The following SEMA3D variants were observed in gnomAD, a reference collection of about 807,000 sequenced individuals.
The protein encoded by SEMA3D is semaphorin-3D.
SEMA3D carries 84 observed loss-of-function variants against 100.1 expected under a neutral mutation model. The observed-to-expected ratio is 0.84, with a 90% CI of 0.70 to 1.01. The LOEUF (loss-of-function observed/expected upper bound fraction) is 1.01, where lower values mean the gene tolerates loss of function less well. Among genes scored for constraint, SEMA3D ranks in the 50% least tolerant of loss-of-function variants. The pLI, the probability that SEMA3D is intolerant of heterozygous loss-of-function variation, is 0.00. For missense variants in SEMA3D, 875 were observed against 934.1 expected (o/e 0.94, Z 0.82); for synonymous variants, 312 against 320.7 (o/e 0.97, Z 0.29).
chr7:85,079,072 T>C (rs1787974556), intron 5 of SEMA3D, among the ~76,000 whole-genome samples: 1 of 152,302 alleles, frequency 6.6e-6, no homozygotes, highest in African/African-American at 2.4e-5. Context: ...TGGAGCAAGC[T>C]TTTTGGATTC....
intron 4 of SEMA3D, among the ~76,000 whole-genome samples, chr7:85,088,167 C>A (rs1788280249): frequency 6.6e-6 from 1 of 152,068 alleles, no homozygotes; most frequent in African/African-American, 2.4e-5. Flanking sequence ...TGTTGTTTCA[C>A]TTATCTTTTA....
At chr7:85,207,209 T>C in the SEMA3D span, among the ~76,000 whole-genome samples, 2 of 152,074 alleles carry the variant, frequency 1.3e-5, no homozygotes, top group Non-Finnish European at 2.9e-5. Flanking sequence ...GAATTACTGG[T>C]CATAAGTAGA....
intron 1 of SEMA3D, chr7:85,159,792 G>A: frequency 2.1e-6 from 2 of 970,678 alleles, no homozygotes; most frequent in East Asian, 1.1e-4. Flanking sequence ...CACTTTGACA[G>A]CAGGCTATCT....
the SEMA3D span, among the ~76,000 whole-genome samples, chr7:85,215,095 T>A: frequency 6.6e-6 from 1 of 151,462 alleles, no homozygotes; most frequent in East Asian, 1.9e-4. Context: ...TTCTACCAAG[T>A]GTTCTTCTTC....
intron 3 of SEMA3D, among the ~76,000 whole-genome samples, chr7:85,117,588 C>T (rs1053707221): frequency 2.6e-5 from 4 of 151,976 alleles, no homozygotes; most frequent in Non-Finnish European, 5.9e-5. Context: ...GCCTGGGCAA[C>T]ATGGTGAAAC....
rs1291433685 is a variant in SEMA3D at position 85,006,819 on chromosome 7, C to T, written c.1891G>A (p.Asp631Asn). The change falls in exon 18 of 19, where the codon GAT (aspartate) becomes AAT (asparagine). Residue 631 changes from aspartate to asparagine, a missense_variant. Physicochemically the swap from Asp to Asn is conservative, Grantham distance 23. Transcript: ENST00000284136. ...CAGCTTACCTCCTCTCGATGCTCAT[C>T]CCCTGACCTCTGGATATACCATTTA... ...TIKWYIQRSG[D>N]EHREELKPDE... 2 of 1,599,372 alleles carry T rather than the reference C, an allele frequency of 1.3e-6. No homozygotes were observed. The highest frequency in any genetic ancestry group is 1.7e-6 in the Non-Finnish European group (2 of 1,171,508).
intron 2 of SEMA3D, among the ~76,000 whole-genome samples, chr7:85,149,018 AAC>A (rs1790291435): frequency 1.3e-5 from 2 of 152,298 alleles, no homozygotes; most frequent in East Asian, 1.9e-4. Flanking sequence ...ATGAACAGGA[AAC>A]ACAAAATGAA....
chr7:85,025,167 C>T (rs1383419315), intron 12 of SEMA3D, among the ~76,000 whole-genome samples: 1 of 151,954 alleles, frequency 6.6e-6, no homozygotes, highest in Non-Finnish European at 1.5e-5. Flanking sequence ...TTATTTCTGC[C>T]TCCAGTTTTC....
chr7:85,165,043 T>C (rs1036611462), intron 1 of SEMA3D, among the ~76,000 whole-genome samples: 2 of 150,538 alleles, frequency 1.3e-5, no homozygotes, highest in African/African-American at 4.9e-5. Flanking sequence ...CCCCTTCCTG[T>C]GTCCCTGTGT....
intron 16 of SEMA3D, among the ~76,000 whole-genome samples, chr7:85,014,725 A>C (rs893045868): frequency 6.6e-6 from 1 of 151,748 alleles, no homozygotes; most frequent in Non-Finnish European, 1.5e-5. Flanking sequence ...ATTTAGAAAT[A>C]AGAAATAAGG....
chr7:85,171,418 C>A (rs1026792942), intron 1 of SEMA3D, among the ~76,000 whole-genome samples: 1 of 151,884 alleles, frequency 6.6e-6, no homozygotes, highest in Non-Finnish European at 1.5e-5. Context: ...AGAAAGGGAA[C>A]AGTCAGGGGA....
chr7:85,201,972 A>G, the SEMA3D span, among the ~76,000 whole-genome samples: 1 of 151,594 alleles, frequency 6.6e-6, no homozygotes, highest in Non-Finnish European at 1.5e-5. Context: ...CTCTCACCTC[A>G]TCATCTCAAT....
intron 1 of SEMA3D, among the ~76,000 whole-genome samples, chr7:85,157,378 T>C (rs542226268): frequency 7.7e-4 from 118 of 152,286 alleles, no homozygotes; most frequent in Non-Finnish European, 1.4e-3. Context: ...TTTTTGTTTC[T>C]CCAAGTGAGA....
chr7:85,053,488 CT>C (rs371281821), intron 9 of SEMA3D, among the ~76,000 whole-genome samples: 4,019 of 151,868 alleles, frequency 0.026, 176 homozygotes, highest in African/African-American at 0.09. Flanking sequence ...ATGCTGAGGT[CT>C]TTTTTTGTTA....
At chr7:85,118,479 A>T (rs538962082) in intron 3 of SEMA3D, among the ~76,000 whole-genome samples, 1 of 151,900 alleles carries the variant, frequency 6.6e-6, no homozygotes, top group Non-Finnish European at 1.5e-5. Flanking sequence ...TTCTTATTTT[A>T]AAAATTGTTG....
chr7:85,169,046 TA>T (rs1310867500), intron 1 of SEMA3D, among the ~76,000 whole-genome samples: 4 of 151,572 alleles, frequency 2.6e-5, no homozygotes, highest in Non-Finnish European at 5.9e-5. Flanking sequence ...ATAAATTAGA[TA>T]AAAAATATTT....
the SEMA3D span, among the ~76,000 whole-genome samples, chr7:85,201,205 C>T: frequency 1.3e-5 from 2 of 152,172 alleles, no homozygotes; most frequent in Admixed American, 1.3e-4. Context: ...TGCTTGGTTT[C>T]CACCATTTGC....
the SEMA3D span, among the ~76,000 whole-genome samples, chr7:85,212,724 C>T: frequency 1.2e-4 from 19 of 152,066 alleles, no homozygotes; most frequent in Non-Finnish European, 2.5e-4. Flanking sequence ...GCTCTGGTAG[C>T]AAGATTTTCT....
chr7:85,113,573 C>A (rs1261761097), intron 3 of SEMA3D, among the ~76,000 whole-genome samples: 2 of 131,788 alleles, frequency 1.5e-5, no homozygotes, highest in Non-Finnish European at 3.3e-5. Context: ...GAGATGGAGA[C>A]CATCCTGACC....
Sources: gnomAD v4.1 joint callset for allele counts (sites outside exome capture counted in the v4.1 genomes callset) on GRCh38, gnomAD v4.1.1 for gene constraint, MANE v1.5 for transcripts, NCBI Gene and HGNC (gene_info 2026-07-23, HGNC 2026-07-21) for gene names.